Variants in CIBAR1 observed in about 807,000 individuals in gnomAD.
CIBAR1 encodes CBY1-interacting BAR domain-containing protein 1.
In CIBAR1, 25 loss-of-function variants were observed where a neutral mutation model predicts 44.0. That is an observed-to-expected ratio of 0.57 (90% CI 0.41 to 0.79). CIBAR1 has a LOEUF of 0.79. Ranked by LOEUF, CIBAR1 falls within the 30% of genes least tolerant of loss-of-function variation. The pLI, the probability that CIBAR1 is intolerant of heterozygous loss-of-function variation, is 0.00. For missense variants in CIBAR1, 278 were observed against 344.8 expected, an observed-to-expected ratio of 0.81 and a Z score of 1.53; for synonymous variants, 115 against 119.0, an observed-to-expected ratio of 0.97 and a Z score of 0.22.
At chr8:93,700,904 G>A in intron 1 of CIBAR1, 1 of 1,327,530 alleles carries the variant, frequency 7.5e-7, no homozygotes, top group Non-Finnish European at 9.6e-7. Flanking sequence ...CGGGTCTCGG[G>A]TCCCCACACT....
Position 93,729,025 on chromosome 8 carries a change from C to T in CIBAR1, c.*728C>T, listed in dbSNP as rs1811680673. 6.6e-6 allele frequency: 1 copy of T among 152,036 alleles called. No homozygotes were observed. The highest frequency in any genetic ancestry group is 6.6e-5 in the Admixed American group (1 of 15,264). 9.4% of individuals were successfully genotyped at this position (152,036 alleles called of 1,614,324 possible). A position where few individuals can be genotyped will look rare whatever the true frequency, so the allele number is the denominator to read the frequency against. On this transcript the variant is annotated 3_prime_UTR_variant, in exon 9 of 9. Transcript: ENST00000518322. ...ATTAAAAATTCTATAAAAATTTTAC[C>T]AAGCTACCATATAGTTAATAAAAGG... is the stretch of plus-strand genomic sequence containing the variant.
chr8:93,718,870 T>A, intron 7 of CIBAR1, 82 bp downstream of exon 7: 2 of 341,768 alleles, frequency 5.9e-6, no homozygotes, highest in Non-Finnish European at 9.4e-6. Context: ...GATTAATATC[T>A]TTTTTTTTTT....
rs761611909 is a variant in CIBAR1, at chr8:93,705,033, TA to T, written c.432+30del. 3.6e-5 allele frequency: 56 copies of T among 1,541,834 alleles called. No individual in the cohort carries two copies. The East Asian group carries it at 3.8e-4, about 11-fold the overall frequency. ...ATTGTATCCTTTGAATTTGGGTCTTTAAAAAAATGTTTAAGGTATGGAGTAC... is the reference window on the plus strand; with the variant it reads ...ATTGTATCCTTTGAATTTGGGTCTTTAAAAAATGTTTAAGGTATGGAGTAC... On this transcript the variant is annotated intron_variant, in intron 4 of 8. Transcript: ENST00000518322.
At position 93,700,687 on chromosome 8, in the gene CIBAR1, C is replaced by T. The variant is rs1012681556; in HGVS notation, c.26+14C>T. The T allele has an allele frequency of 6.7e-6, 10 of 1,501,546 alleles. No individual in the cohort carries two copies. In the African/African-American group the frequency reaches 1.3e-4, roughly 20 times the overall value. The allele number at this position is 1,501,546 out of a possible 1,614,324, so 93.0% of individuals were successfully genotyped here. A position where few individuals can be genotyped will look rare whatever the true frequency, so the allele number is the denominator to read the frequency against. ...CCTGGAAAACCGGTAACAGCCCGAG[C>T]CCAGCTGCCCAGGGCCGCCCACACT... On this transcript the variant is annotated intron_variant, in intron 1 of 8. Coordinates refer to ENST00000518322, the MANE Select transcript of CIBAR1 (RefSeq NM_145269.5).
At chr8:93,709,212 G>A (rs998461281) in intron 5 of CIBAR1, among the ~76,000 whole-genome samples, 7 of 152,142 alleles carry the variant, frequency 4.6e-5, no homozygotes, top group Non-Finnish European at 1.0e-4. Context: ...CCCAGGAGGC[G>A]GAGGTTGCAG....
intron 6 of CIBAR1, chr8:93,715,577 T>C (rs988233648): frequency 6.6e-6 from 1 of 152,182 alleles, no homozygotes; most frequent in Non-Finnish European, 1.5e-5. Context: ...CAGGTACCAT[T>C]CTAAGCATTT....
At chr8:93,726,290 G>T in intron 7 of CIBAR1, 104 bp from the exon 8 acceptor site, 19 of 949,018 alleles carry the variant, frequency 2.0e-5, no homozygotes, top group South Asian at 4.0e-5. Flanking sequence ...GTCCATTTGG[G>T]GGGAGTTGTT....
At chr8:93,701,103 G>A in intron 1 of CIBAR1, 121 bp from the exon 2 acceptor site, 1 of 1,492,236 alleles carries the variant, frequency 6.7e-7, no homozygotes, top group Middle Eastern at 1.8e-4. Context: ...ACGCTGGGTC[G>A]TTGATGGGTT....
At chr8:93,707,366 A>C (rs1810635274) in intron 4 of CIBAR1, 1 of 210,338 alleles carries the variant, frequency 4.8e-6, no homozygotes, top group Non-Finnish European at 1.0e-5. Context: ...ATGAAGCTAC[A>C]CATATCCCGG....
intron 3 of CIBAR1, 23 bp from the exon 4 acceptor site, chr8:93,704,886 A>G: frequency 2.7e-6 from 4 of 1,496,764 alleles, no homozygotes; most frequent in Non-Finnish European, 3.6e-6. Flanking sequence ...CATTTTTACT[A>G]ACAAAAAAAT....
chr8:93,701,033 G>T, intron 1 of CIBAR1, 191 bp from the exon 2 acceptor site: 1 of 1,441,822 alleles, frequency 6.9e-7, no homozygotes, highest in South Asian at 1.5e-5. Context: ...GCCTTTTCCT[G>T]TGCCTACACA....
rs1277819350 is a variant in CIBAR1, at chr8:93,729,393, A to AT, written c.*1097dup. ...AATTGATATTCTTAAGAAACTCAAG[A>AT]TATCATTGGATATTTACTGCTTCCT... is the stretch of plus-strand genomic sequence containing the variant. On this transcript the variant is annotated 3_prime_UTR_variant, in exon 9 of 9. Transcript: ENST00000518322. 1 of 152,150 alleles carries AT rather than the reference A, an allele frequency of 6.6e-6. No homozygotes were observed. The highest frequency in any genetic ancestry group is 1.5e-5 in the Non-Finnish European group (1 of 67,998). The allele number at this position is 152,150 out of a possible 1,614,324, so 9.4% of individuals were successfully genotyped here.
chr8:93,727,277 T>C, intron 8 of CIBAR1: 1 of 1,023,740 alleles, frequency 9.8e-7, no homozygotes, highest in Admixed American at 2.8e-5. Flanking sequence ...TATTTTCATT[T>C]GATTCTCCTG....
intron 7 of CIBAR1, among the ~76,000 whole-genome samples, chr8:93,720,291 T>C (rs933882485): frequency 2.0e-5 from 3 of 152,080 alleles, no homozygotes; most frequent in Non-Finnish European, 2.9e-5. Context: ...CTAGTTTTTT[T>C]TGTATCTTAA....
intron 6 of CIBAR1, among the ~76,000 whole-genome samples, chr8:93,713,024 C>CTT (rs374305882): frequency 1.3e-4 from 1 of 7,554 alleles, no homozygotes; most frequent in Admixed American, 1.4e-3. Context: ...TTTTTTTCTC[C>CTT]TTTTTTTTCT....
At chr8:93,723,475 G>C (rs1472518369) in intron 7 of CIBAR1, among the ~76,000 whole-genome samples, 1 of 152,048 alleles carries the variant, frequency 6.6e-6, no homozygotes, top group Non-Finnish European at 1.5e-5. Context: ...TCTCTTAAAG[G>C]AATGTGTAGC....
Position 93,728,269 on chromosome 8 carries a change from T to C in CIBAR1, c.842T>C (p.Val281Ala). Residue 281 changes from valine to alanine, a missense_variant, in exon 9 of 9, where the codon GTT becomes GCT. This residue lies in a region of CIBAR1 where 93 missense variants were observed against 108.9 expected (regional missense o/e 0.85). Transcript: ENST00000518322. ...GATGATGAGGATGACGAGTTAGATGTTACAGAAGAAGAAAATTTTCTTAAG... is the reference window on the plus strand; with the variant it reads ...GATGATGAGGATGACGAGTTAGATGCTACAGAAGAAGAAAATTTTCTTAAG... Reference protein sequence around the residue: ...AEDDEDDELDVTEEENFLK With the variant: ...AEDDEDDELDATEEENFLK The C allele has an allele frequency of 6.3e-7, 1 of 1,592,760 alleles. No individual in the cohort carries two copies. The highest frequency in any genetic ancestry group is 1.2e-5 in the South Asian group (1 of 86,608).
intron 4 of CIBAR1, 33 bp from the exon 5 acceptor site, chr8:93,707,978 G>T: frequency 1.3e-6 from 2 of 1,497,558 alleles, no homozygotes; most frequent in East Asian, 2.3e-5. Context: ...TACTCTCTTT[G>T]AAATGTATTT....
chr8:93,712,654 C>T (rs927649168), intron 6 of CIBAR1, among the ~76,000 whole-genome samples: 1 of 152,172 alleles, frequency 6.6e-6, no homozygotes, highest in African/African-American at 2.4e-5. Flanking sequence ...TGTGTTTGCC[C>T]ACCAGCAGTA....
Sources: allele counts gnomAD v4.1 joint callset (sites outside exome capture counted in the v4.1 genomes callset), GRCh38; gene constraint gnomAD v4.1.1; regional missense constraint gnomAD v4.1.1; transcripts MANE v1.5; gene names NCBI Gene and HGNC (gene_info 2026-07-23, HGNC 2026-07-21).